The following MYRIP variants were observed in gnomAD, a reference collection of about 807,000 sequenced individuals.
MYRIP encodes the protein myosin VIIA and Rab interacting protein.
Under a neutral mutation model 98.0 loss-of-function variants are expected in MYRIP, and 49 were observed. The observed-to-expected ratio is 0.50, with a 90% CI of 0.40 to 0.63. The LOEUF (loss-of-function observed/expected upper bound fraction) is 0.63. Among genes scored for constraint, MYRIP ranks in the 30% least tolerant of loss-of-function variants. The pLI, the probability that MYRIP is intolerant of heterozygous loss-of-function variation, is 0.00. For synonymous variants in MYRIP, 404 were observed against 409.5 expected (o/e 0.99, Z 0.16); for missense variants, 1,004 against 1,058.2 (o/e 0.95, Z 0.71).
rs1288094582 is a variant in MYRIP at position 39,882,679 on chromosome 3, TTAA to T, written c.-30-18102_-30-18100del. 1.4e-4 allele frequency among the ~76,000 whole-genome samples: 21 copies of T among 152,232 alleles called. 1 individual carries two copies. The Middle Eastern group carries it at 0.017, about 123-fold the overall frequency. The stretch of plus-strand genomic sequence containing the variant: ...AAATTTTCTTCTTTGTAAAAGAACG[TTAA>T]TAATAGTACCTGCTTCCTAATGTTA... On this transcript the variant is annotated intron_variant, in intron 1 of 16. Coordinates refer to ENST00000302541, the MANE Select transcript of MYRIP (RefSeq NM_015460.4).
At chr3:40,002,556 TG>T (rs1946543430) in intron 2 of MYRIP, among the ~76,000 whole-genome samples, 1 of 151,228 alleles carries the variant, frequency 6.6e-6, no homozygotes, top group Non-Finnish European at 1.5e-5. Context: ...AAGAAAATAT[TG>T]AGACCAGACT....
At chr3:40,003,115 CTATT>C (rs1020430453) in intron 2 of MYRIP, among the ~76,000 whole-genome samples, 2 of 151,302 alleles carry the variant, frequency 1.3e-5, no homozygotes, top group Admixed American at 6.6e-5. Flanking sequence ...GTATTTATGT[CTATT>C]TATATCTGTA....
chr3:40,179,327 T>C (rs1575600750), intron 8 of MYRIP, among the ~76,000 whole-genome samples: 1 of 152,200 alleles, frequency 6.6e-6, no homozygotes, highest in South Asian at 2.1e-4. Flanking sequence ...TGTGGAACAC[T>C]GATTTGCCTG....
chr3:40,078,713 C>T (rs899950170), intron 3 of MYRIP, among the ~76,000 whole-genome samples: 5 of 152,172 alleles, frequency 3.3e-5, no homozygotes, highest in Non-Finnish European at 7.4e-5. Flanking sequence ...TCCTCACCCC[C>T]AAGCCTCCCA....
At chr3:39,829,600 G>A (rs1941379205) in intron 1 of MYRIP, among the ~76,000 whole-genome samples, 1 of 152,146 alleles carries the variant, frequency 6.6e-6, no homozygotes, top group Admixed American at 6.5e-5. Context: ...TCTAAGGAGA[G>A]CTTGCATGCA....
At position 39,900,892 on chromosome 3, in the gene MYRIP, T is replaced by C. The variant is rs764161961; in HGVS notation, c.76T>C (p.Phe26Leu). The change falls in exon 2 of 17, where the codon TTC becomes CTC. Residue 26 changes from phenylalanine to leucine, a missense_variant. Coordinates refer to ENST00000302541, the MANE Select transcript of MYRIP (RefSeq NM_015460.4). ...TGTTCTTCAGGTGGTTCAAAGAGAC[T>C]TCAATCTTCGCAAAAAAGAAGAAGA... ...EHVLQVVQRDFNLRKKEEERL... is the reference protein window; with the variant it reads ...EHVLQVVQRDLNLRKKEEERL... 10 of 1,613,744 alleles carry C rather than the reference T, an allele frequency of 6.2e-6. No individual in the cohort carries two copies. The East Asian group carries it at 2.0e-4, about 32-fold the overall frequency.
At chr3:40,020,551 C>T (rs1422719762) in intron 2 of MYRIP, among the ~76,000 whole-genome samples, 4 of 152,036 alleles carry the variant, frequency 2.6e-5, no homozygotes, top group Non-Finnish European at 5.9e-5. Context: ...TGAAGTAGCA[C>T]GTGTTATTTT....
chr3:39,842,176 A>G (rs1242913587), intron 1 of MYRIP, among the ~76,000 whole-genome samples: 1 of 152,062 alleles, frequency 6.6e-6, no homozygotes, highest in Admixed American at 6.6e-5. Context: ...GAATCTAGAG[A>G]GGCAGTCTGG....
At chr3:40,116,529 A>C (rs1399162554) in intron 3 of MYRIP, among the ~76,000 whole-genome samples, 2 of 152,032 alleles carry the variant, frequency 1.3e-5, no homozygotes, top group Non-Finnish European at 2.9e-5. Flanking sequence ...TGCTTTCAAC[A>C]CTTTATTTTC....
intron 10 of MYRIP, among the ~76,000 whole-genome samples, chr3:40,199,225 G>A (rs1951485005): frequency 6.6e-6 from 1 of 152,156 alleles, no homozygotes; most frequent in Non-Finnish European, 1.5e-5. Context: ...GACCACAGCA[G>A]CCCCTGCTCT....
At chr3:39,919,727 T>TGTGAGA (rs1553645683) in intron 2 of MYRIP, among the ~76,000 whole-genome samples, 165 of 123,492 alleles carry the variant, frequency 1.3e-3, no homozygotes, top group African/African-American at 2.4e-3. Flanking sequence ...TGTGTGTGTG[T>TGTGAGA]GAGAGAGAGA....
chr3:40,187,314 A>G (rs1951065790), intron 9 of MYRIP, among the ~76,000 whole-genome samples: 1 of 152,206 alleles, frequency 6.6e-6, no homozygotes, highest in African/African-American at 2.4e-5. Flanking sequence ...TCTCTAACCA[A>G]GGTCACCCGC....
At chr3:39,913,039 TA>T (rs34151055) in intron 2 of MYRIP, among the ~76,000 whole-genome samples, 1 of 151,618 alleles carries the variant, frequency 6.6e-6, no homozygotes, top group South Asian at 2.1e-4. Context: ...GACTCCATCT[TA>T]AAAAAAATTA....
chr3:39,822,295 ATTTC>A (rs1383414416), intron 1 of MYRIP, among the ~76,000 whole-genome samples: 1 of 152,108 alleles, frequency 6.6e-6, no homozygotes, highest in Non-Finnish European at 1.5e-5. Flanking sequence ...AACATTTATC[ATTTC>A]TTTGTGTTAG....
At chr3:39,838,598 G>A (rs1941698801) in intron 1 of MYRIP, among the ~76,000 whole-genome samples, 1 of 152,048 alleles carries the variant, frequency 6.6e-6, no homozygotes, top group Non-Finnish European at 1.5e-5. Context: ...ATGTGCTGCT[G>A]GATTCGGTTT....
chr3:39,841,099 A>C (rs1017347910), intron 1 of MYRIP, among the ~76,000 whole-genome samples: 1 of 152,140 alleles, frequency 6.6e-6, no homozygotes, highest in Non-Finnish European at 1.5e-5. Context: ...AGGTACACCA[A>C]TCAAATGTAG....
intron 1 of MYRIP, among the ~76,000 whole-genome samples, chr3:39,873,975 G>T (rs1942892840): frequency 2.6e-5 from 4 of 151,516 alleles, no homozygotes; most frequent in African/African-American, 9.7e-5. Context: ...CCATGAGCAT[G>T]GAATGTTCTT....
rs147119768 is a variant in MYRIP at position 40,033,513 on chromosome 3, C to G, written c.111-10537C>G. On this transcript the variant is annotated intron_variant, in intron 2 of 16. Transcript: ENST00000302541. ...AAATACCTAGGAATCCAACTAACAA[C>G]GGACGTGAAGGACCTCTTCAAGGAG... Among the ~76,000 whole-genome samples, 1,443 of 152,090 alleles carry G rather than the reference C, an allele frequency of 9.5e-3. 21 individuals are homozygous for G. The highest frequency in any genetic ancestry group is 0.028 in the African/African-American group (1,172 of 41,484).
chr3:39,968,466 T>G (rs937385738), intron 2 of MYRIP, among the ~76,000 whole-genome samples: 1 of 152,170 alleles, frequency 6.6e-6, no homozygotes, highest in Non-Finnish European at 1.5e-5. Flanking sequence ...TCTGGCCACA[T>G]TTAAGTCTTT....
Sources: gnomAD v4.1 joint callset for allele counts (sites outside exome capture counted in the v4.1 genomes callset) on GRCh38, gnomAD v4.1.1 for gene constraint, MANE v1.5 for transcripts, NCBI Gene and HGNC (gene_info 2026-07-23, HGNC 2026-07-21) for gene names.